The following TECPR2 variants were observed in gnomAD, a reference collection of about 807,000 sequenced individuals.
TECPR2 encodes tectonin beta-propeller repeat containing 2, also known as tectonin beta-propeller repeat-containing protein 2.
Under a neutral mutation model 138.1 loss-of-function variants are expected in TECPR2, and 65 were observed. That is an observed-to-expected ratio of 0.47 (90% confidence interval 0.39 to 0.58). TECPR2 has a LOEUF of 0.58. TECPR2 is among the 20% of genes least tolerant of loss of function. The pLI is 0.00. For missense variants in TECPR2, 1,553 were observed against 1,824.5 expected, an observed-to-expected ratio of 0.85 and a Z score of 2.71; for synonymous variants, 746 against 749.8, an observed-to-expected ratio of 0.99 and a Z score of 0.08.
chr14:102,429,267 G>A (rs1174429454), intron 7 of TECPR2, among the ~76,000 whole-genome samples: 2 of 152,208 alleles, frequency 1.3e-5, no homozygotes, highest in African/African-American at 2.4e-5. Context: ...AAGATGGGGA[G>A]ATTGAGAAAG....
rs918955636 is a variant in TECPR2, at chr14:102,415,029, A to G, written c.638+236A>G. On this transcript the variant is annotated intron_variant, in intron 5 of 19. Coordinates refer to ENST00000359520, the MANE Select transcript of TECPR2 (RefSeq NM_014844.5). The surrounding 1 kb of genome is among the most constrained non-coding windows in gnomAD (Gnocchi z 4.3). ...GCTGTAGGAGCCTGCACACACAGCC[A>G]CTCTGCCTCTCAGGGTGCCACAGTC... Among the ~76,000 whole-genome samples, 22 of 151,966 alleles carry G rather than the reference A, an allele frequency of 1.4e-4. No individual in the cohort carries two copies. Among genetic ancestry groups the G allele is most frequent in the Non-Finnish European group, 2.8e-4 (19 of 67,990 alleles).
intron 17 of TECPR2, among the ~76,000 whole-genome samples, chr14:102,479,914 G>A (rs1395865503): frequency 2.0e-5 from 3 of 152,264 alleles, no homozygotes; most frequent in Non-Finnish European, 4.4e-5. Context: ...GCAGTGCTCA[G>A]GGAGACTGCA....
intron 8 of TECPR2, among the ~76,000 whole-genome samples, chr14:102,433,773 C>T (rs1444803995): frequency 3.9e-5 from 6 of 152,222 alleles, no homozygotes; most frequent in South Asian, 2.1e-4. Context: ...CCACCCGCCT[C>T]GGCCTCCCAA....
In TECPR2 at chr14:102,440,518, G is replaced by T; in HGVS notation, c.2661G>T (p.Trp887Cys). 1 of 1,614,210 alleles carries T rather than the reference G, an allele frequency of 6.2e-7. No individual in the cohort carries two copies. The change falls in exon 11 of 20, where the codon TGG becomes TGT. Residue 887 changes from tryptophan (W) to cysteine (C), a missense_variant. By Grantham distance (215) the Trp-to-Cys change is radical. Coordinates refer to ENST00000359520, the MANE Select transcript of TECPR2 (RefSeq NM_014844.5). ...TCACCATCAAGGGGAAGCGGCACTGGTACGAAGCCCTGCCCCAGGCAGTGT... is the reference window on the plus strand; with the variant it reads ...TCACCATCAAGGGGAAGCGGCACTGTTACGAAGCCCTGCCCCAGGCAGTGT... ...GKVTIKGKRHWYEALPQAVFV... is the reference protein window; with the variant it reads ...GKVTIKGKRHCYEALPQAVFV...
chr14:102,364,741 A>G (rs756960596), intron 1 of TECPR2, among the ~76,000 whole-genome samples: 5 of 152,082 alleles, frequency 3.3e-5, no homozygotes, highest in Admixed American at 2.0e-4. Flanking sequence ...GGAGAATTTC[A>G]TTTCATATTA....
intron 11 of TECPR2, among the ~76,000 whole-genome samples, chr14:102,441,345 C>T (rs12887672): frequency 6.7e-6 from 1 of 149,894 alleles, no homozygotes; most frequent in Non-Finnish European, 1.5e-5. Flanking sequence ...GCTGGGATTA[C>T]AGGTGTGAGC....
intron 5 of TECPR2, among the ~76,000 whole-genome samples, chr14:102,423,297 C>T (rs1418464135): frequency 3.3e-5 from 5 of 151,918 alleles, no homozygotes; most frequent in African/African-American, 9.7e-5. Flanking sequence ...CTGGGCATGG[C>T]GGTGCACACC....
At chr14:102,461,128 A>C (rs1890400107) in intron 16 of TECPR2, among the ~76,000 whole-genome samples, 1 of 152,240 alleles carries the variant, frequency 6.6e-6, no homozygotes, top group Non-Finnish European at 1.5e-5. Context: ...AAGTTGTAGC[A>C]GTTGAATATG....
At chr14:102,446,963 A>C (rs76774613) in intron 13 of TECPR2, among the ~76,000 whole-genome samples, 4,332 of 152,292 alleles carry the variant, frequency 0.028, 74 homozygotes, top group Non-Finnish European at 0.042. Flanking sequence ...AGCCCAACCC[A>C]GAATTAAAAT....
intron 5 of TECPR2, among the ~76,000 whole-genome samples, chr14:102,422,085 A>G (rs928195302): frequency 2.0e-5 from 3 of 152,166 alleles, no homozygotes; most frequent in Non-Finnish European, 2.9e-5. Context: ...AAACTTGAAT[A>G]TGCTCTCAGC....
At position 102,367,994 on chromosome 14, in the gene TECPR2, C is replaced by CTT. The variant is rs56325877; in HGVS notation, c.-73+4907_-73+4908dup. ...AACATCTTTTTATGTGCTTATTGGCCTTTTTTTTTTTTTTTTTTTTTTTTT... is the reference window on the plus strand; with the variant it reads ...AACATCTTTTTATGTGCTTATTGGCCTTTTTTTTTTTTTTTTTTTTTTTTTTT... On this transcript the variant is annotated intron_variant, in intron 1 of 19. Transcript: ENST00000359520. Among the ~76,000 whole-genome samples, 89 of 65,832 alleles carry CTT rather than the reference C, an allele frequency of 1.4e-3. 9 individuals carry two copies. Among genetic ancestry groups the CTT allele is most frequent in the African/African-American group, 4.3e-3 (62 of 14,282 alleles). The allele number at this position is 65,832 out of a possible 152,430, so 43.2% of individuals were successfully genotyped here.
chr14:102,392,204 C>A (rs1343847801), intron 2 of TECPR2, among the ~76,000 whole-genome samples: 1 of 152,104 alleles, frequency 6.6e-6, no homozygotes, highest in African/African-American at 2.4e-5. Context: ...GTTGGCCAGG[C>A]TGGTCATGAA....
intron 5 of TECPR2, 124 bp downstream of exon 5, chr14:102,414,917 GCCTGGGGTT>G: frequency 8.0e-7 from 1 of 1,243,762 alleles, no homozygotes; most frequent in Middle Eastern, 2.0e-4. Flanking sequence ...GCGCCTCTAA[GCCTGGGGTT>G]CCTGGTGGGG....
intron 2 of TECPR2, among the ~76,000 whole-genome samples, chr14:102,404,548 A>G (rs984105037): frequency 1.3e-5 from 2 of 151,994 alleles, no homozygotes; most frequent in South Asian, 4.1e-4. Flanking sequence ...TCAATAGCCC[A>G]GAAATAAACC....
chr14:102,486,414 C>G (rs551611507), intron 17 of TECPR2, among the ~76,000 whole-genome samples: 1 of 152,218 alleles, frequency 6.6e-6, no homozygotes, highest in Non-Finnish European at 1.5e-5. Context: ...ATCCTCTTAC[C>G]TCATCCTCCT....
rs945124420 is a variant in TECPR2 at position 102,501,029 on chromosome 14, G to C, written c.*2772G>C. The C allele has an allele frequency of 5.3e-5, 8 of 152,302 alleles. No individual in the cohort carries two copies. Among genetic ancestry groups the C allele is most frequent in the South Asian group, 2.1e-4 (1 of 4,830 alleles). 9.4% of individuals were successfully genotyped at this position (152,302 alleles called of 1,614,324 possible). A position where few individuals can be genotyped will look rare whatever the true frequency, so the allele number is the denominator to read the frequency against. Reference sequence around the variant, plus strand: ...CCCGTCACTCCTGGGAAGAAGAAACGGGTGAGAACTGCTAAGTGATGACAG... The same window carrying C: ...CCCGTCACTCCTGGGAAGAAGAAACCGGTGAGAACTGCTAAGTGATGACAG... On this transcript the variant is annotated 3_prime_UTR_variant, in exon 20 of 20. Coordinates refer to ENST00000359520, the MANE Select transcript of TECPR2 (RefSeq NM_014844.5).
At chr14:102,463,416 C>T (rs1213402834) in intron 16 of TECPR2, among the ~76,000 whole-genome samples, 1 of 38,530 alleles carries the variant, frequency 2.6e-5, no homozygotes, top group Admixed American at 2.9e-4. Context: ...GACTCCGTCT[C>T]AAAAAAAAAA....
chr14:102,438,270 G>C (rs1595126260), intron 10 of TECPR2, 65 bp downstream of exon 10: 11 of 1,517,420 alleles, frequency 7.2e-6, no homozygotes, highest in South Asian at 6.2e-5. Context: ...CCCCGCCCCC[G>C]GGGTGCAGAC....
chr14:102,440,381 A>G (rs900071170), intron 10 of TECPR2, 55 bp from the exon 11 acceptor site: 3 of 1,587,208 alleles, frequency 1.9e-6, no homozygotes, highest in African/African-American at 2.7e-5. Flanking sequence ...AGACTTTTGT[A>G]TAGAAATATA....
Sources: gnomAD v4.1 joint callset for allele counts (sites outside exome capture counted in the v4.1 genomes callset) on GRCh38, gnomAD v4.1.1 for gene constraint, Gnocchi (gnomAD v3.1) non-coding constraint, MANE v1.5 for transcripts, NCBI Gene and HGNC (gene_info 2026-07-23, HGNC 2026-07-21) for gene names.